The following AUTS2 variants were observed in gnomAD, a reference collection of about 807,000 sequenced individuals.
AUTS2 encodes the protein activator of transcription and developmental regulator AUTS2.
In AUTS2, 17 loss-of-function variants were observed where a neutral mutation model predicts 112.4. That is an observed-to-expected ratio of 0.15 (90% CI 0.10 to 0.23). The LOEUF is 0.23. Among genes scored for constraint, AUTS2 ranks in the 10% least tolerant of loss-of-function variants. AUTS2 has a pLI of 1.00. For synonymous variants in AUTS2, 751 were observed against 702.7 expected (o/e 1.07, Z -1.09); for missense variants, 1,510 against 1,701.6 (o/e 0.89, Z 1.98).
intron 1 of AUTS2, among the ~76,000 whole-genome samples, chr7:69,649,566 C>A (rs115000808): frequency 6.6e-6 from 1 of 151,958 alleles, no homozygotes; most frequent in Admixed American, 6.6e-5. Context: ...TCCTCCTTTC[C>A]GTGGCCAACT....
At position 70,670,046 on chromosome 7, in the gene AUTS2, G is replaced by A. The variant is rs180787565; in HGVS notation, c.691-28523G>A. On this transcript the variant is annotated intron_variant, in intron 5 of 18. Transcript: ENST00000342771. ...TTTGGCGCTAAAACCACAAAGTAAC[G>A]TTCACTGTAGGCGCACCTCAGGCAC... is the stretch of plus-strand genomic sequence containing the variant. Among the ~76,000 whole-genome samples the A allele has an allele frequency of 2.8e-3, 424 of 152,284 alleles. 1 individual carries two copies. The highest frequency in any genetic ancestry group is 4.1e-3 in the Non-Finnish European group (281 of 68,012).
chr7:70,780,428 T>C (rs2129559711), intron 14 of AUTS2, among the ~76,000 whole-genome samples: 1 of 152,080 alleles, frequency 6.6e-6, no homozygotes, highest in East Asian at 1.9e-4. Context: ...TTTGTTTTTT[T>C]TTTTTGGAGA....
chr7:70,485,516 T>G (rs1339095773), intron 5 of AUTS2, among the ~76,000 whole-genome samples: 1 of 152,074 alleles, frequency 6.6e-6, no homozygotes, highest in Non-Finnish European at 1.5e-5. Flanking sequence ...ATATTGGATA[T>G]AGTGTACACT....
chr7:70,110,859 C>CTTTTTTTTT (rs71077618), intron 2 of AUTS2, among the ~76,000 whole-genome samples: 168 of 82,810 alleles, frequency 2.0e-3, no homozygotes, highest in African/African-American at 2.5e-3. Flanking sequence ...TTCTTTCTTT[C>CTTTTTTTTT]TTTTTTTTTT....
chr7:70,026,533 A>G (rs1417690913), intron 2 of AUTS2, among the ~76,000 whole-genome samples: 5 of 152,194 alleles, frequency 3.3e-5, no homozygotes, highest in Admixed American at 6.5e-5. Context: ...ATAGCTTGGC[A>G]TGGAACGATT....
chr7:70,379,221 C>T (rs966364034), intron 4 of AUTS2, among the ~76,000 whole-genome samples: 22 of 152,014 alleles, frequency 1.4e-4, no homozygotes, highest in Non-Finnish European at 1.8e-4. Flanking sequence ...ATTATTAGGG[C>T]GGGCACGGTG....
chr7:69,977,595 T>G (rs1252219648), intron 2 of AUTS2, among the ~76,000 whole-genome samples: 1 of 152,180 alleles, frequency 6.6e-6, no homozygotes, highest in Non-Finnish European at 1.5e-5. Flanking sequence ...TGGAATGCCT[T>G]TCCATTTATT....
intron 5 of AUTS2, among the ~76,000 whole-genome samples, chr7:70,590,369 C>T (rs575675230): frequency 1.3e-5 from 2 of 152,214 alleles, no homozygotes; most frequent in South Asian, 4.1e-4. Context: ...GGCCTCAGAA[C>T]TCAGATCTTT....
intron 2 of AUTS2, among the ~76,000 whole-genome samples, chr7:70,051,440 A>T (rs1007076635): frequency 6.6e-6 from 1 of 152,146 alleles, no homozygotes; most frequent in Admixed American, 6.5e-5. Context: ...TGTGGGGCTG[A>T]GCGTGTTGGC....
intron 4 of AUTS2, among the ~76,000 whole-genome samples, chr7:70,247,887 C>T (rs1813009189): frequency 6.6e-6 from 1 of 152,050 alleles, no homozygotes; most frequent in Non-Finnish European, 1.5e-5. Flanking sequence ...TTTTAGGTAG[C>T]TTTTATCAGA....
chr7:70,678,707 G>A (rs1329310194), intron 5 of AUTS2, among the ~76,000 whole-genome samples: 1 of 152,160 alleles, frequency 6.6e-6, no homozygotes, highest in African/African-American at 2.4e-5. Flanking sequence ...AAGCAAGTAA[G>A]TGCCTTAGGC....
intron 5 of AUTS2, among the ~76,000 whole-genome samples, chr7:70,501,791 G>A (rs1340590203): frequency 1.3e-5 from 2 of 152,082 alleles, no homozygotes; most frequent in Admixed American, 1.3e-4. Context: ...GGAATACTGT[G>A]CTGCCCTACG....
chr7:70,149,855 G>C (rs1807333091), intron 4 of AUTS2, among the ~76,000 whole-genome samples: 1 of 151,972 alleles, frequency 6.6e-6, no homozygotes, highest in African/African-American at 2.4e-5. Context: ...TACTATTGAA[G>C]AAAAGTTTTT....
chr7:70,101,185 G>A (rs1804472866), intron 2 of AUTS2, among the ~76,000 whole-genome samples: 2 of 151,854 alleles, frequency 1.3e-5, no homozygotes, highest in African/African-American at 4.8e-5. Flanking sequence ...GCATATATTT[G>A]GTTTTAAGAG....
chr7:70,257,952 C>T (rs1786969889), intron 4 of AUTS2, among the ~76,000 whole-genome samples: 1 of 152,222 alleles, frequency 6.6e-6, no homozygotes, highest in Non-Finnish European at 1.5e-5. Context: ...TGGTCCAACT[C>T]CTGGCCGACA....
intron 1 of AUTS2, among the ~76,000 whole-genome samples, chr7:69,601,330 A>G (rs1792396265): frequency 1.3e-5 from 2 of 151,942 alleles, no homozygotes; most frequent in East Asian, 1.9e-4. Context: ...ATTGTTTCAC[A>G]TGCTCAGATG....
At chr7:70,476,517 C>T (rs535920319) in intron 5 of AUTS2, among the ~76,000 whole-genome samples, 5 of 152,170 alleles carry the variant, frequency 3.3e-5, no homozygotes, top group Non-Finnish European at 7.4e-5. Flanking sequence ...ATCTGCCCCA[C>T]ACAGAAGAAA....
At chr7:70,001,148 CAG>C (rs1040938738) in intron 2 of AUTS2, among the ~76,000 whole-genome samples, 23 of 152,242 alleles carry the variant, frequency 1.5e-4, no homozygotes, top group African/African-American at 5.3e-4. Context: ...CTTTCTCAGA[CAG>C]AGTCTCATTC....
At chr7:70,117,127 G>C (rs6964334) in intron 2 of AUTS2, among the ~76,000 whole-genome samples, 1 of 62,782 alleles carries the variant, frequency 1.6e-5, no homozygotes, top group African/African-American at 7.0e-5. Context: ...GTTTTTTTTT[G>C]TTTTTTTTTG....
Sources: allele counts gnomAD v4.1 joint callset (sites outside exome capture counted in the v4.1 genomes callset), GRCh38; gene constraint gnomAD v4.1.1; transcripts MANE v1.5; gene names NCBI Gene and HGNC (gene_info 2026-07-23, HGNC 2026-07-21).